Variants in OR4K1 observed in about 807,000 individuals in gnomAD.
OR4K1 encodes olfactory receptor family 4 subfamily K member 1.
In OR4K1, 16 loss-of-function variants were observed where a neutral mutation model predicts 14.4. The ratio of observed to expected loss-of-function variants is 1.11; its 90% CI spans 0.75 to 1.68. OR4K1 has a LOEUF of 1.68. Among genes scored for constraint, OR4K1 ranks in the 40% most tolerant of loss-of-function variants. OR4K1 has a pLI of 0.00. For synonymous variants in OR4K1, 181 were observed against 133.1 expected (o/e 1.36, Z -2.48); for missense variants, 548 against 376.9 (o/e 1.45, Z -3.76).
At chr14:19,924,970 A>C in the OR4K1 span, among the ~76,000 whole-genome samples, 1 of 152,200 alleles carries the variant, frequency 6.6e-6, no homozygotes, top group Non-Finnish European at 1.5e-5. Context: ...AAATAGAAAA[A>C]TAAATAAAAA....
intron 1 of OR4K1, among the ~76,000 whole-genome samples, chr14:19,934,981 T>G (rs570696685): frequency 3.5e-4 from 54 of 152,366 alleles, no homozygotes; most frequent in Middle Eastern, 3.4e-3. Flanking sequence ...CCGCTTCTTT[T>G]GTTTCTTAAA....
the OR4K1 span, chr14:19,920,722 T>C: frequency 6.2e-7 from 1 of 1,614,174 alleles, no homozygotes; most frequent in Non-Finnish European, 8.5e-7. Context: ...ACAGTCATTG[T>C]GCTGGGAAAT....
chr14:19,932,174 T>C (rs1450470031), intron 1 of OR4K1, among the ~76,000 whole-genome samples: 1 of 152,252 alleles, frequency 6.6e-6, no homozygotes, highest in Admixed American at 6.5e-5. Flanking sequence ...ATTGAAAAGA[T>C]ATAATTTGTG....
chr14:19,920,900 A>G, the OR4K1 span: 1 of 1,614,184 alleles, frequency 6.2e-7, no homozygotes, highest in Non-Finnish European at 8.5e-7. Flanking sequence ...GTGGCTGCAT[A>G]GCCCAAATTT....
At chr14:19,931,424 T>C (rs1447924417) in intron 1 of OR4K1, 1 of 152,298 alleles carries the variant, frequency 6.6e-6, no homozygotes, top group Non-Finnish European at 1.5e-5. Flanking sequence ...CTGTCCCTTC[T>C]CTGACCCATT....
At chr14:19,922,077 C>G in the OR4K1 span, among the ~76,000 whole-genome samples, 42 of 129,532 alleles carry the variant, frequency 3.2e-4, no homozygotes, top group African/African-American at 5.7e-4. Context: ...ACTCCCCCCC[C>G]CAAAAATCAA....
chr14:19,927,247 C>G (rs1050784083), upstream of OR4K1, among the ~76,000 whole-genome samples: 2 of 152,140 alleles, frequency 1.3e-5, no homozygotes, highest in Non-Finnish European at 2.9e-5. Context: ...TTGGTGCAAG[C>G]CAAAAAATGG....
At chr14:19,921,263 C>T in the OR4K1 span, 1 of 1,614,142 alleles carries the variant, frequency 6.2e-7, no homozygotes, top group Non-Finnish European at 8.5e-7. Flanking sequence ...GCTCCTACAT[C>T]ATTATTCTTG....
At chr14:19,928,238 G>A (rs187421705), upstream of OR4K1, among the ~76,000 whole-genome samples, 7 of 152,258 alleles carry the variant, frequency 4.6e-5, no homozygotes, top group East Asian at 1.3e-3. Flanking sequence ...TGGATTTTGT[G>A]GTTCCTGTCC....
chr14:19,935,236 C>T (rs1044490573), intron 1 of OR4K1, among the ~76,000 whole-genome samples: 4 of 152,184 alleles, frequency 2.6e-5, no homozygotes, highest in African/African-American at 9.7e-5. Context: ...TCACTTTTGG[C>T]TAGCAAATTT....
At chr14:19,931,711 T>C (rs1882188700) in intron 1 of OR4K1, among the ~76,000 whole-genome samples, 1 of 152,246 alleles carries the variant, frequency 6.6e-6, no homozygotes, top group Admixed American at 6.5e-5. Context: ...CCAACTTGGC[T>C]TTACACCAAG....
chr14:19,932,714 G>A (rs963806581), intron 1 of OR4K1, among the ~76,000 whole-genome samples: 4 of 152,150 alleles, frequency 2.6e-5, no homozygotes, highest in African/African-American at 9.7e-5. Context: ...AATTTACTTA[G>A]CCTAAGCTTC....
the OR4K1 span, among the ~76,000 whole-genome samples, chr14:19,923,586 T>C: frequency 6.6e-6 from 1 of 152,172 alleles, no homozygotes; most frequent in Non-Finnish European, 1.5e-5. Flanking sequence ...AGAAAAAATA[T>C]GTCAACAAAA....
chr14:19,935,624 A>T, intron 1 of OR4K1, 24 bp from the exon 2 acceptor site: 1 of 1,484,430 alleles, frequency 6.7e-7, no homozygotes. Context: ...TCATTGTGAC[A>T]TTTTTCTGAT....
chr14:19,931,834 C>G (rs563253950), intron 1 of OR4K1, among the ~76,000 whole-genome samples: 1 of 152,332 alleles, frequency 6.6e-6, no homozygotes, highest in East Asian at 1.9e-4. Context: ...TCTGGGTGCT[C>G]TGTGGACTGC....
intron 1 of OR4K1, among the ~76,000 whole-genome samples, chr14:19,934,562 A>G (rs1344103438): frequency 1.3e-5 from 2 of 152,262 alleles, no homozygotes; most frequent in African/African-American, 4.8e-5. Flanking sequence ...TAAAAGGTTG[A>G]AAGGAAGTGT....
Position 19,936,358 on chromosome 14 carries a change from G to C in OR4K1, c.692G>C (p.Ser231Thr). The C allele has an allele frequency of 6.2e-7, 1 of 1,614,246 alleles. No individual in the cohort carries two copies. Among genetic ancestry groups the C allele is most frequent in the East Asian group, 2.2e-5 (1 of 44,886 alleles). Residue 231 changes from serine to threonine, a missense_variant, in exon 2 of 2, where the codon AGT becomes ACT. By Grantham distance (58) the Ser-to-Thr change is moderately conservative. Coordinates refer to ENST00000641172, the MANE Select transcript of OR4K1 (RefSeq NM_001004063.3). Reference sequence around the variant, plus strand: ...ATCGGTGTCCGATGCAGGTCCTCCAGTGGGTCATCTAAGGCTCTTTCTACA... The same window carrying C: ...ATCGGTGTCCGATGCAGGTCCTCCACTGGGTCATCTAAGGCTCTTTCTACA... ...ILIGVRCRSS[S>T]GSSKALSTLT...
chr14:19,936,147 G>A lies in OR4K1; in HGVS notation c.481G>A (p.Ala161Thr). The A allele has an allele frequency of 6.2e-7, 1 of 1,614,228 alleles. No homozygotes were observed. Among genetic ancestry groups the A allele is most frequent in the African/African-American group, 1.3e-5 (1 of 75,060 alleles). The change falls in exon 2 of 2, where the codon GCT (alanine) becomes ACT (threonine). Residue 161 changes from alanine (A) to threonine (T), a missense_variant. Physicochemically the swap from Ala to Thr is moderately conservative, Grantham distance 58 (BLOSUM62 0). Transcript: ENST00000641172. The stretch of plus-strand genomic sequence containing the variant: ...CGTTCTTCATTCTGTGAGCCACTTG[G>A]CTTTTACAGTGGACCTGCCATTCTG... ...VGVLHSVSHL[A>T]FTVDLPFCGP...
chr14:19,934,488 A>AT (rs1882257683), intron 1 of OR4K1, among the ~76,000 whole-genome samples: 1 of 152,228 alleles, frequency 6.6e-6, no homozygotes, highest in African/African-American at 2.4e-5. Flanking sequence ...GTTGTTGGTT[A>AT]TTGTTTCATT....
Sources: gnomAD v4.1 joint callset for allele counts (sites outside exome capture counted in the v4.1 genomes callset) on GRCh38, gnomAD v4.1.1 for gene constraint, MANE v1.5 for transcripts, NCBI Gene and HGNC (gene_info 2026-07-23, HGNC 2026-07-21) for gene names.